The following ENOX1 variants were observed in gnomAD, a reference collection of about 807,000 sequenced individuals.
ENOX1 encodes ecto-NOX disulfide-thiol exchanger 1, also known as candidate growth-related and time keeping constitutive hydroquinone (NADH) oxidase.
A neutral mutation model predicts 82.5 loss-of-function variants in ENOX1; 42 were observed. That is an observed-to-expected ratio of 0.51 (90% CI 0.40 to 0.66). ENOX1 has a LOEUF of 0.66. Ranked by LOEUF, ENOX1 falls within the 30% of genes least tolerant of loss-of-function variation. The pLI is 0.00. For synonymous variants in ENOX1, 271 were observed against 282.2 expected, an observed-to-expected ratio of 0.96 and a Z score of 0.40; for missense variants, 608 against 811.6, an observed-to-expected ratio of 0.75 and a Z score of 3.05.
At chr13:43,365,195 C>T (rs1442433617) in intron 5 of ENOX1, among the ~76,000 whole-genome samples, 2 of 152,118 alleles carry the variant, frequency 1.3e-5, no homozygotes, top group East Asian at 3.9e-4. Context: ...AGTTAAGAGT[C>T]TCATATTTGA....
chr13:43,357,023 A>G (rs2050200594), intron 7 of ENOX1, among the ~76,000 whole-genome samples: 1 of 152,152 alleles, frequency 6.6e-6, no homozygotes, highest in African/African-American at 2.4e-5. Flanking sequence ...GATCTGAGAG[A>G]TCAACACTAA....
intron 14 of ENOX1, among the ~76,000 whole-genome samples, chr13:43,262,517 T>TGCTATATTA (rs1473584556): frequency 6.6e-6 from 1 of 152,228 alleles, no homozygotes; most frequent in Non-Finnish European, 1.5e-5. Flanking sequence ...AAGTCCTGTC[T>TGCTATATTA]GCTATATTAA....
chr13:43,593,350 G>A (rs1030243568), intron 2 of ENOX1, among the ~76,000 whole-genome samples: 10 of 152,084 alleles, frequency 6.6e-5, no homozygotes, highest in African/African-American at 2.4e-4. Context: ...TGGAATTGAG[G>A]GTGAGTGGGG....
At chr13:43,512,419 T>C (rs1360012288) in intron 2 of ENOX1, among the ~76,000 whole-genome samples, 1 of 152,162 alleles carries the variant, frequency 6.6e-6, no homozygotes, top group Admixed American at 6.6e-5. Context: ...GGAAATGTCA[T>C]GTGAGCTGCC....
chr13:43,627,240 G>A (rs11620413), intron 2 of ENOX1, among the ~76,000 whole-genome samples: 10,825 of 151,876 alleles, frequency 0.071, 403 homozygotes, highest in Middle Eastern at 0.14. Context: ...GACAGCCTCC[G>A]TCTTGATCGT....
At chr13:43,247,828 CATATATATATATATATAT>C (rs71214135) in intron 14 of ENOX1, among the ~76,000 whole-genome samples, 109 of 36,978 alleles carry the variant, frequency 2.9e-3, no homozygotes, top group South Asian at 4.7e-3. Context: ...ACAGATGCAA[CATATATATATATATATAT>C]ATATATATAT....
At chr13:43,593,878 G>A (rs993325015) in intron 2 of ENOX1, among the ~76,000 whole-genome samples, 2 of 152,116 alleles carry the variant, frequency 1.3e-5, no homozygotes, top group African/African-American at 4.8e-5. Context: ...CGCTAAAACT[G>A]GGAGTTCATC....
At chr13:43,538,825 C>A (rs1181887303) in intron 2 of ENOX1, among the ~76,000 whole-genome samples, 5 of 22,550 alleles carry the variant, frequency 2.2e-4, no homozygotes, top group Non-Finnish European at 4.6e-4. Flanking sequence ...TGCCTTTCCT[C>A]CCCGCCCCTG....
chr13:43,653,835 C>T (rs375878766), intron 2 of ENOX1, among the ~76,000 whole-genome samples: 6 of 152,004 alleles, frequency 3.9e-5, no homozygotes, highest in Admixed American at 2.0e-4. Context: ...TAACATGGCC[C>T]AGCTTTTCAA....
chr13:43,347,729 A>C (rs2049482127), intron 8 of ENOX1, among the ~76,000 whole-genome samples: 1 of 152,254 alleles, frequency 6.6e-6, no homozygotes, highest in African/African-American at 2.4e-5. Flanking sequence ...ATGTGGAAAG[A>C]AATTAACACT....
chr13:43,670,946 T>C (rs768580016), intron 1 of ENOX1, among the ~76,000 whole-genome samples: 23 of 152,200 alleles, frequency 1.5e-4, no homozygotes, highest in Non-Finnish European at 2.5e-4. Flanking sequence ...CCCTAGATTT[T>C]TGGTATTGAC....
At chr13:43,722,726 G>GT (rs1468816015) in intron 1 of ENOX1, among the ~76,000 whole-genome samples, 1 of 150,734 alleles carries the variant, frequency 6.6e-6, no homozygotes, top group Non-Finnish European at 1.5e-5. Context: ...TACTCTAAAG[G>GT]TAAAAAAAAA....
At chr13:43,708,382 C>T (rs1246067896) in intron 1 of ENOX1, among the ~76,000 whole-genome samples, 2 of 152,170 alleles carry the variant, frequency 1.3e-5, no homozygotes, top group East Asian at 3.9e-4. Flanking sequence ...AGGCAAAGGT[C>T]AAACAGTGCA....
intron 5 of ENOX1, among the ~76,000 whole-genome samples, chr13:43,401,055 A>G (rs1036275954): frequency 6.9e-6 from 1 of 145,700 alleles, no homozygotes; most frequent in African/African-American, 2.7e-5. Flanking sequence ...TTTAGCTAGC[A>G]GAGGATTCAA....
chr13:43,700,050 A>G (rs1477780189), intron 1 of ENOX1, among the ~76,000 whole-genome samples: 2 of 152,178 alleles, frequency 1.3e-5, no homozygotes, highest in Non-Finnish European at 2.9e-5. Context: ...CCTTCTATCC[A>G]AATGTATTTT....
intron 10 of ENOX1, 66 bp from the exon 11 acceptor site, chr13:43,322,567 G>C (rs747882590): frequency 4.7e-6 from 6 of 1,278,038 alleles, no homozygotes; most frequent in African/African-American, 1.5e-5. Context: ...ATGGTCTTTG[G>C]GTATATATGA....
In ENOX1 at chr13:43,326,504, A is replaced by G; in HGVS notation, c.1058T>C (p.Phe353Ser). ...AGCTTTTTGTCTGGTAGAAGCGTTG[A>G]AAACGGCCACAATCTGCTCAACTTT... ...LTQFEQIVAV[F>S]NASTRQKAWD... Residue 353 changes from phenylalanine (F) to serine (S), a missense_variant, in exon 10 of 17, where the codon TTC becomes TCC. By Grantham distance (155) the Phe-to-Ser change is radical (BLOSUM62 -2). Coordinates refer to ENST00000690772, the MANE Select transcript of ENOX1 (RefSeq NM_001347969.2). The G allele has an allele frequency of 6.2e-7, 1 of 1,614,178 alleles. No homozygotes were observed. Among genetic ancestry groups the G allele is most frequent in the Non-Finnish European group, 8.5e-7 (1 of 1,179,982 alleles).
At chr13:43,331,259 C>T (rs945397423) in intron 9 of ENOX1, among the ~76,000 whole-genome samples, 11 of 152,192 alleles carry the variant, frequency 7.2e-5, no homozygotes, top group African/African-American at 2.4e-4. Flanking sequence ...CATGTCTTGC[C>T]GACTGCCTTC....
chr13:43,482,779 G>A (rs1298796438), intron 3 of ENOX1, among the ~76,000 whole-genome samples: 2 of 152,144 alleles, frequency 1.3e-5, no homozygotes, highest in African/African-American at 4.8e-5. Flanking sequence ...GGAGCATTTA[G>A]GTAACTTCTC....
Sources: allele counts gnomAD v4.1 joint callset (sites outside exome capture counted in the v4.1 genomes callset), GRCh38; gene constraint gnomAD v4.1.1; transcripts MANE v1.5; gene names NCBI Gene and HGNC (gene_info 2026-07-23, HGNC 2026-07-21).